The following ARFRP1 variants were observed in gnomAD, a reference collection of about 807,000 sequenced individuals.
ARFRP1 encodes the protein ARF related protein 1, also known as ADP-ribosylation factor-related protein 1.
A neutral mutation model predicts 30.3 loss-of-function variants in ARFRP1; 19 were observed. The observed-to-expected ratio is 0.63, with a 90% CI of 0.44 to 0.92. The LOEUF is 0.92. ARFRP1 is among the 40% of genes least tolerant of loss of function. ARFRP1 has a pLI of 0.00. For missense variants in ARFRP1, 245 were observed against 267.5 expected (o/e 0.92, Z 0.59); for synonymous variants, 133 against 114.2 (o/e 1.16, Z -1.05).
In ARFRP1 at chr20:63,700,389, G is replaced by A; in HGVS notation, c.*54C>T. 1.3e-5 allele frequency: 20 copies of A among 1,598,732 alleles called. No homozygotes were observed. The South Asian group carries it at 2.2e-4, about 18-fold the overall frequency. ...ATCAGCAGCATGGGAGCCAACAGGA[G>A]GCCACTCCTCCAGCACCAGGGGACC... On this transcript the variant is annotated 3_prime_UTR_variant, in exon 8 of 8. Coordinates refer to ENST00000622789, the MANE Select transcript of ARFRP1 (RefSeq NM_001267547.3).
chr20:63,703,829 G>A (rs748598871), intron 4 of ARFRP1: 6 of 152,448 alleles, frequency 3.9e-5, no homozygotes, highest in African/African-American at 4.8e-5. Flanking sequence ...GGACGGGAGC[G>A]ACACCTCAGG....
At chr20:63,701,221 G>A (rs1265457566) in intron 6 of ARFRP1, 1 of 530,722 alleles carries the variant, frequency 1.9e-6, no homozygotes, top group Non-Finnish European at 3.9e-6. Flanking sequence ...GAGATTGTAG[G>A]GGAGGCCAGC....
At position 63,700,719 on chromosome 20, in the gene ARFRP1, C is replaced by A; in HGVS notation, c.418-17G>T. On this transcript the variant is annotated splice_polypyrimidine_tract_variant and intron_variant, in intron 6 of 7. Coordinates refer to ENST00000622789, the MANE Select transcript of ARFRP1 (RefSeq NM_001267547.3). ...GAGGCACGTCTGGGGGAGGTAAGGCCGTGAGGAGCAGCCCCCACGTCTGGC... is the reference window on the plus strand; with the variant it reads ...GAGGCACGTCTGGGGGAGGTAAGGCAGTGAGGAGCAGCCCCCACGTCTGGC... The A allele has an allele frequency of 6.2e-7, 1 of 1,608,804 alleles. No individual in the cohort carries two copies.
intron 6 of ARFRP1, 194 bp from the exon 7 acceptor site, chr20:63,700,896 G>C (rs2091172504): frequency 1.4e-6 from 1 of 713,716 alleles, no homozygotes; most frequent in Non-Finnish European, 2.3e-6. Flanking sequence ...ATGGCTGGTA[G>C]TGCCTGAGAC....
chr20:63,701,998 G>GGGGGGGGCCCCCCCCCCCC, intron 5 of ARFRP1, 98 bp from the exon 6 acceptor site: 1 of 583,914 alleles, frequency 1.7e-6, no homozygotes. Context: ...CACTCCCTCT[G>GGGGGGGGCCCCCCCCCCCC]CCCCCCCCCC....
At chr20:63,705,698 G>C (rs377059677) in intron 4 of ARFRP1, 2 of 533,208 alleles carry the variant, frequency 3.8e-6, no homozygotes, top group African/African-American at 1.9e-5. Flanking sequence ...TCTGTGTCCT[G>C]TGGTGGTCAG....
At chr20:63,701,393 C>G (rs776794933) in intron 6 of ARFRP1, 1 of 533,586 alleles carries the variant, frequency 1.9e-6, no homozygotes, top group South Asian at 1.4e-5. Flanking sequence ...TCAGAGGGGT[C>G]TTGAGGGGCT....
At chr20:63,706,948 G>A in intron 2 of ARFRP1, 51 bp downstream of exon 2, 1 of 1,602,840 alleles carries the variant, frequency 6.2e-7, no homozygotes, top group Non-Finnish European at 8.5e-7. Flanking sequence ...AAAACCGAAG[G>A]GGGCGCCGCC....
intron 5 of ARFRP1, 97 bp from the exon 6 acceptor site, chr20:63,701,997 T>TCCC: frequency 5.8e-6 from 4 of 684,610 alleles, no homozygotes; most frequent in South Asian, 1.9e-5. Flanking sequence ...CCACTCCCTC[T>TCCC]GCCCCCCCCC....
intron 4 of ARFRP1, 133 bp from the exon 5 acceptor site, chr20:63,702,350 C>G: frequency 2.5e-6 from 2 of 807,952 alleles, no homozygotes; most frequent in Middle Eastern, 2.6e-4. Context: ...ACTGCAAGAC[C>G]CTTCTGGGAT....
chr20:63,706,372 C>T lies in ARFRP1; in HGVS notation c.249G>A (p.Gln83=). The T allele has an allele frequency of 6.2e-7, 1 of 1,613,412 alleles. No homozygotes were observed. ...GGAGTCTTACCTTGTCCCACAAAGA[C>T]TGCAGCTCTTCCTGCCCTCCTAAGT... ...FWDLGGQEEL[Q]SLWDKYYAEC... The change falls in exon 4 of 8, where the codon CAG becomes CAA. Residue 83 remains glutamine (Q), a synonymous_variant. Transcript: ENST00000622789.
In ARFRP1 at chr20:63,700,697, G is replaced by A. The variant is rs2091162319; in HGVS notation, c.423C>T (p.Cys141=). The change falls in exon 7 of 8, where the codon TGC becomes TGT. Residue 141 remains cysteine (C), a synonymous_variant. Coordinates refer to ENST00000622789, the MANE Select transcript of ARFRP1 (RefSeq NM_001267547.3). ...VLANKQDVET[C]LSIPDIKTAF... ...CCGTCTTGATGTCAGGGATTGAGAGGCACGTCTGGGGGAGGTAAGGCCGTG... is the reference window on the plus strand; with the variant it reads ...CCGTCTTGATGTCAGGGATTGAGAGACACGTCTGGGGGAGGTAAGGCCGTG... 1 of 1,610,722 alleles carries A rather than the reference G, an allele frequency of 6.2e-7. No individual in the cohort carries two copies. The highest frequency in any genetic ancestry group is 1.1e-5 in the South Asian group (1 of 90,980).
chr20:63,699,436 GC>G lies in ARFRP1; in HGVS notation c.*1006del, dbSNP rs2091083503. 6.6e-6 allele frequency: 1 copy of G among 152,534 alleles called. No homozygotes were observed. 9.4% of individuals were successfully genotyped at this position (152,534 alleles called of 1,614,324 possible). On this transcript the variant is annotated 3_prime_UTR_variant, in exon 8 of 8. Transcript: ENST00000622789. ...CCCTCACCTGCCCACCAGCCCCTGA[GC>G]AGCCCAGTAACACCATCACCGTGTC...
At chr20:63,701,924 GC>G (rs1406263411) in intron 5 of ARFRP1, 24 bp from the exon 6 acceptor site, 2 of 1,541,400 alleles carry the variant, frequency 1.3e-6, no homozygotes, top group African/African-American at 2.8e-5. Flanking sequence ...GAGAGGCAGC[GC>G]CTCACACCCA....
At chr20:63,702,293 CCA>C (rs2091255334) in intron 4 of ARFRP1, 76 bp from the exon 5 acceptor site, 1 of 1,398,736 alleles carries the variant, frequency 7.1e-7, no homozygotes, top group Admixed American at 1.8e-5. Context: ...TGTGTCATGG[CCA>C]CAGTGAGGGG....
intron 5 of ARFRP1, 37 bp downstream of exon 5, chr20:63,702,099 C>CGA (rs1568754351): frequency 1.9e-6 from 3 of 1,598,004 alleles, no homozygotes; most frequent in Admixed American, 3.3e-5. Context: ...CCCCCACTCA[C>CGA]CATCCATCCC....
chr20:63,702,012 C>CA, intron 5 of ARFRP1, 112 bp from the exon 6 acceptor site: 1 of 906,292 alleles, frequency 1.1e-6, no homozygotes, highest in Non-Finnish European at 1.6e-6. Flanking sequence ...CCCCCCCCCC[C>CA]GTCACCCACT....
In ARFRP1 at chr20:63,706,338, C is replaced by G; in HGVS notation, c.264+19G>C. ...ACTGGAGGGCTGGGGTGGGGGTGGT[C>G]CTGGCCAGGGAGTCTTACCTTGTCC... On this transcript the variant is annotated intron_variant, in intron 4 of 7. Coordinates refer to ENST00000622789, the MANE Select transcript of ARFRP1 (RefSeq NM_001267547.3). 6.2e-7 allele frequency: 1 copy of G among 1,610,540 alleles called. No individual in the cohort carries two copies. The highest frequency in any genetic ancestry group is 8.5e-7 in the Non-Finnish European group (1 of 1,177,814).
At chr20:63,701,295 T>C (rs1210452033) in intron 6 of ARFRP1, 1 of 530,078 alleles carries the variant, frequency 1.9e-6, no homozygotes, top group Non-Finnish European at 3.9e-6. Flanking sequence ...CACCTGGCCC[T>C]CTGGACGCCG....
Sources: gnomAD v4.1 joint callset for allele counts on GRCh38, gnomAD v4.1.1 for gene constraint, MANE v1.5 for transcripts, NCBI Gene and HGNC (gene_info 2026-07-23, HGNC 2026-07-21) for gene names.